DNAJC3: variants seen among roughly 807,000 people sequenced by gnomAD.
DNAJC3 encodes dnaJ homolog subfamily C member 3.
A neutral mutation model predicts 68.6 loss-of-function variants in DNAJC3; 38 were observed. That is an observed-to-expected ratio of 0.55 (90% confidence interval 0.43 to 0.73). The LOEUF is 0.73. Ranked by LOEUF, DNAJC3 falls within the 30% of genes least tolerant of loss-of-function variation. The probability of loss-of-function intolerance (pLI) is 0.00; values close to 1 mark genes in which losing one functional copy is unlikely to be tolerated. For missense variants in DNAJC3, 526 were observed against 591.9 expected (o/e 0.89, Z 1.16); for synonymous variants, 203 against 204.0 (o/e 1.00, Z 0.04).
At chr13:95,741,402 T>G (rs933057853) in intron 4 of DNAJC3, among the ~76,000 whole-genome samples, 2 of 152,210 alleles carry the variant, frequency 1.3e-5, no homozygotes, top group Non-Finnish European at 2.9e-5. Context: ...TTTTGTAGTT[T>G]TGCTGGGGAT....
At chr13:95,742,854 A>ACTACG in intron 4 of DNAJC3, 1 of 518,338 alleles carries the variant, frequency 1.9e-6, no homozygotes, top group South Asian at 1.4e-5. Context: ...AGAAGTATTC[A>ACTACG]CTACGCCGTA....
At chr13:95,681,152 T>C (rs377439589) in intron 1 of DNAJC3, among the ~76,000 whole-genome samples, 1 of 152,216 alleles carries the variant, frequency 6.6e-6, no homozygotes, top group African/African-American at 2.4e-5. Flanking sequence ...CGCTTTAGAC[T>C]GAGTGGTCCA....
intron 9 of DNAJC3, among the ~76,000 whole-genome samples, chr13:95,775,252 C>A (rs776656391): frequency 1.4e-4 from 21 of 152,162 alleles, no homozygotes; most frequent in Non-Finnish European, 2.5e-4. Flanking sequence ...AAATAAATTT[C>A]TAATATTAGT....
chr13:95,761,119 C>T (rs1332441727), intron 7 of DNAJC3, among the ~76,000 whole-genome samples: 1 of 152,172 alleles, frequency 6.6e-6, no homozygotes, highest in Non-Finnish European at 1.5e-5. Flanking sequence ...AAGTTTATAG[C>T]ATTGCGTGGG....
Position 95,763,761 on chromosome 13 carries a change from T to A in DNAJC3, c.954+13T>A. ...CTGCTTTTCTAAGGTAACAGTTGAC[T>A]TGTTCCCAGAAATGTGAAAACTCAA... On this transcript the variant is annotated intron_variant, in intron 8 of 11. Coordinates refer to ENST00000602402, the MANE Select transcript of DNAJC3 (RefSeq NM_006260.5). 1 of 1,613,906 alleles carries A rather than the reference T, an allele frequency of 6.2e-7. No individual in the cohort carries two copies. Among genetic ancestry groups the A allele is most frequent in the Non-Finnish European group, 8.5e-7 (1 of 1,179,810 alleles).
intron 1 of DNAJC3, among the ~76,000 whole-genome samples, chr13:95,701,886 AT>A (rs1880594899): frequency 6.6e-6 from 1 of 152,204 alleles, no homozygotes; most frequent in Non-Finnish European, 1.5e-5. Context: ...TATTCCCAAC[AT>A]TTTATTATTA....
At chr13:95,687,566 G>T (rs947893309) in intron 1 of DNAJC3, among the ~76,000 whole-genome samples, 5 of 152,054 alleles carry the variant, frequency 3.3e-5, no homozygotes, top group African/African-American at 1.2e-4. Flanking sequence ...AATCTAGCTA[G>T]CAGTTTATCA....
chr13:95,688,129 A>G (rs906278666), intron 1 of DNAJC3, among the ~76,000 whole-genome samples: 6 of 152,136 alleles, frequency 3.9e-5, no homozygotes, highest in African/African-American at 7.2e-5. Flanking sequence ...CATTAATTTT[A>G]TATCCTGAAA....
intron 1 of DNAJC3, among the ~76,000 whole-genome samples, chr13:95,686,607 A>G (rs1286166129): frequency 1.3e-4 from 20 of 152,264 alleles, no homozygotes; most frequent in Non-Finnish European, 1.5e-5. Context: ...CAATTTTCCC[A>G]GCACCATTTA....
At chr13:95,778,828 C>A (rs1883356301) in intron 9 of DNAJC3, among the ~76,000 whole-genome samples, 1 of 152,058 alleles carries the variant, frequency 6.6e-6, no homozygotes, top group African/African-American at 2.4e-5. Context: ...AATTTATATT[C>A]CTGTGTCATG....
chr13:95,739,425 A>G (rs1477474784), intron 4 of DNAJC3, among the ~76,000 whole-genome samples: 1 of 151,284 alleles, frequency 6.6e-6, no homozygotes, highest in Non-Finnish European at 1.5e-5. Flanking sequence ...GTGTTTTCCA[A>G]CTTGGTTCCA....
Position 95,753,279 on chromosome 13 carries a change from CT to C in DNAJC3, c.394-4364del, listed in dbSNP as rs530184668. 2.2e-4 allele frequency among the ~76,000 whole-genome samples: 34 copies of C among 152,266 alleles called. No homozygotes were observed. In the South Asian group the frequency reaches 7.1e-3, roughly 32 times the overall value. ...ATGCTTTAATTCAGTCGCTCACCCC[CT>C]GACTTGTATACTATTGTTTCCAAAA... is the stretch of plus-strand genomic sequence containing the variant. On this transcript the variant is annotated intron_variant, in intron 4 of 11. Coordinates refer to ENST00000602402, the MANE Select transcript of DNAJC3 (RefSeq NM_006260.5).
rs769851001 is a variant in DNAJC3, at chr13:95,786,087, A to G, written c.1208+16A>G. 1.3e-6 allele frequency: 2 copies of G among 1,583,844 alleles called. No individual in the cohort carries two copies. The highest frequency in any genetic ancestry group is 4.5e-5 in the East Asian group (2 of 44,402). ...GAGTAAAAAGGTGAATTATTAATTT[A>G]AAATTTACTTTGCTATTTTTAATCA... On this transcript the variant is annotated intron_variant, in intron 10 of 11. Coordinates refer to ENST00000602402, the MANE Select transcript of DNAJC3 (RefSeq NM_006260.5).
At chr13:95,761,124 C>T (rs1290404091) in intron 7 of DNAJC3, among the ~76,000 whole-genome samples, 2 of 152,050 alleles carry the variant, frequency 1.3e-5, no homozygotes, top group Admixed American at 6.5e-5. Flanking sequence ...TATAGCATTG[C>T]GTGGGAGACA....
At chr13:95,722,795 G>C (rs1203587563) in intron 2 of DNAJC3, among the ~76,000 whole-genome samples, 2 of 104,868 alleles carry the variant, frequency 1.9e-5, no homozygotes, top group Non-Finnish European at 3.6e-5. Context: ...GCTCCAACCT[G>C]GGTGACAGAC....
At position 95,678,812 on chromosome 13, in the gene DNAJC3, G is replaced by A. The variant is rs532971592; in HGVS notation, c.82+1475G>A. On this transcript the variant is annotated intron_variant, in intron 1 of 11. Coordinates refer to ENST00000602402, the MANE Select transcript of DNAJC3 (RefSeq NM_006260.5). The stretch of plus-strand genomic sequence containing the variant: ...TTTAGAATTGCTGTTCTGTATATGA[G>A]TCTGTAAGGACTCTTAACTCTTCAT... Among the ~76,000 whole-genome samples, 6 of 152,024 alleles carry A rather than the reference G, an allele frequency of 3.9e-5. No individual in the cohort carries two copies. The South Asian group carries it at 1.2e-3, about 32-fold the overall frequency.
chr13:95,767,300 T>A (rs1358422278), intron 9 of DNAJC3, among the ~76,000 whole-genome samples: 1 of 152,214 alleles, frequency 6.6e-6, no homozygotes, highest in Non-Finnish European at 1.5e-5. Flanking sequence ...CTTGGCATGT[T>A]TCACTTAGCA....
intron 2 of DNAJC3, among the ~76,000 whole-genome samples, chr13:95,711,473 G>C (rs543908088): frequency 1.3e-5 from 2 of 151,922 alleles, no homozygotes; most frequent in South Asian, 2.1e-4. Context: ...ACTCTAGCCT[G>C]GGTGGCAGAG....
chr13:95,704,506 G>T (rs1196009095), intron 1 of DNAJC3, among the ~76,000 whole-genome samples: 2 of 152,194 alleles, frequency 1.3e-5, no homozygotes, highest in African/African-American at 4.8e-5. Flanking sequence ...TTAGTGTCAT[G>T]AGCACATTGT....
Sources: gnomAD v4.1 joint callset for allele counts (sites outside exome capture counted in the v4.1 genomes callset) on GRCh38, gnomAD v4.1.1 for gene constraint, MANE v1.5 for transcripts, NCBI Gene and HGNC (gene_info 2026-07-23, HGNC 2026-07-21) for gene names.